NFATC1: variants seen among roughly 807,000 people sequenced by gnomAD.
NFATC1 encodes nuclear factor of activated T cells 1, also known as nuclear factor of activated T-cells, cytoplasmic 1.
A neutral mutation model predicts 76.0 loss-of-function variants in NFATC1; 22 were observed. The ratio of observed to expected loss-of-function variants is 0.29; its 90% confidence interval spans 0.21 to 0.41. The LOEUF (loss-of-function observed/expected upper bound fraction) is 0.41. NFATC1 is among the 10% of genes least tolerant of loss of function. The pLI, the probability that NFATC1 is intolerant of heterozygous loss-of-function variation, is 1.00. For missense variants in NFATC1, 1,357 were observed against 1,337.7 expected, an observed-to-expected ratio of 1.01 and a Z score of -0.23; for synonymous variants, 704 against 613.1, an observed-to-expected ratio of 1.15 and a Z score of -2.19.
chr18:79,499,949 G>T (rs2089980378), intron 9 of NFATC1, among the ~76,000 whole-genome samples: 1 of 152,100 alleles, frequency 6.6e-6, no homozygotes, highest in Admixed American at 6.5e-5. Flanking sequence ...AAACACATTT[G>T]CACATAACAG....
Position 79,486,516 on chromosome 18 carries a change from C to A in NFATC1, c.2361C>A (p.His787Gln), listed in dbSNP as rs1479331806. The A allele has an allele frequency of 1.2e-6, 2 of 1,602,232 alleles. No homozygotes were observed. Among genetic ancestry groups the A allele is most frequent in the African/African-American group, 2.7e-5 (2 of 75,024 alleles). Residue 787 changes from histidine (H) to glutamine (Q), a missense_variant, in exon 9 of 10, where the codon CAC becomes CAA. Coordinates refer to ENST00000427363, the MANE Select transcript of NFATC1 (RefSeq NM_001278669.2). ...TKGVASPGHCHLGLPQPAGEA... is the reference protein window; with the variant it reads ...TKGVASPGHCQLGLPQPAGEA... The stretch of plus-strand genomic sequence containing the variant: ...GCGTTGCCAGCCCGGGCCACTGTCA[C>A]CTCGGACTCCCGCAGCCGGCCGGAG...
At chr18:79,474,140 G>A (rs1310207045) in intron 8 of NFATC1, among the ~76,000 whole-genome samples, 15 of 120,114 alleles carry the variant, frequency 1.2e-4, no homozygotes, top group African/African-American at 2.1e-4. Flanking sequence ...CGCTGTCGAC[G>A]TTGTAAACCT....
At chr18:79,464,203 C>T (rs1352452862) in intron 7 of NFATC1, among the ~76,000 whole-genome samples, 1 of 152,174 alleles carries the variant, frequency 6.6e-6, no homozygotes, top group Non-Finnish European at 1.5e-5. Flanking sequence ...GATTCTCATG[C>T]CTCAGTCTCC....
At position 79,486,677 on chromosome 18, in the gene NFATC1, C is replaced by T. The variant is rs200591787; in HGVS notation, c.2522C>T (p.Ser841Leu). ...SSSCPPGLEH[S>L]LCPSSPSPPL... The stretch of plus-strand genomic sequence containing the variant: ...AGCTGCCCCCCTGGTCTCGAACACT[C>T]GCTCTGCCCCAGCAGCCCCTCTCCT... Residue 841 changes from serine to leucine, a missense_variant, in exon 9 of 10, where the codon TCG becomes TTG. Coordinates refer to ENST00000427363, the MANE Select transcript of NFATC1 (RefSeq NM_001278669.2). 28 of 1,602,354 alleles carry T rather than the reference C, an allele frequency of 1.7e-5. No homozygotes were observed. The highest frequency in any genetic ancestry group is 1.3e-4 in the East Asian group (6 of 44,704).
intron 2 of NFATC1, among the ~76,000 whole-genome samples, chr18:79,419,271 G>C (rs1600650271): frequency 6.6e-6 from 1 of 152,176 alleles, no homozygotes; most frequent in Non-Finnish European, 1.5e-5. Context: ...CAGTCCTCCC[G>C]ACCTGTCCTC....
rs780560159 is a variant in NFATC1 at position 79,426,269 on chromosome 18, G to A, written c.1227-7310G>A. 3.8e-4 allele frequency among the ~76,000 whole-genome samples: 57 copies of A among 150,682 alleles called. 1 individual carries two copies. Among genetic ancestry groups the A allele is most frequent in the Non-Finnish European group, 4.6e-4 (31 of 67,848 alleles). On this transcript the variant is annotated intron_variant, in intron 2 of 9. Coordinates refer to ENST00000427363, the MANE Select transcript of NFATC1 (RefSeq NM_001278669.2). Reference sequence around the variant, plus strand: ...TTTTTTCCTCCCCCTCTGTCCCAGCGCAGACGGCATCTCTGTCGCGAGCTT... The same window carrying A: ...TTTTTTCCTCCCCCTCTGTCCCAGCACAGACGGCATCTCTGTCGCGAGCTT...
At chr18:79,482,169 G>T (rs1458451750) in intron 8 of NFATC1, among the ~76,000 whole-genome samples, 6 of 131,948 alleles carry the variant, frequency 4.5e-5, no homozygotes, top group South Asian at 2.4e-4. Context: ...GCGTGACCTG[G>T]TCCTGGGGTG....
chr18:79,478,762 C>G (rs1238420717), intron 8 of NFATC1, among the ~76,000 whole-genome samples: 1 of 152,216 alleles, frequency 6.6e-6, no homozygotes, highest in African/African-American at 2.4e-5. Flanking sequence ...GGCGGAAGCC[C>G]CCCTCCAGGA....
intron 6 of NFATC1, among the ~76,000 whole-genome samples, chr18:79,457,781 C>T (rs1341991015): frequency 6.6e-6 from 1 of 152,012 alleles, no homozygotes; most frequent in Non-Finnish European, 1.5e-5. Flanking sequence ...GGTCTGGCTG[C>T]TCCCTGCTGG....
At chr18:79,398,317 A>T (rs1486909315) in intron 1 of NFATC1, among the ~76,000 whole-genome samples, 1 of 152,192 alleles carries the variant, frequency 6.6e-6, no homozygotes, top group South Asian at 2.1e-4. Flanking sequence ...TTAACTTCAC[A>T]GCGTTGTTTC....
intron 8 of NFATC1, 68 bp from the exon 9 acceptor site, chr18:79,486,180 C>G: frequency 6.8e-7 from 1 of 1,465,128 alleles, no homozygotes; most frequent in Non-Finnish European, 9.3e-7. Context: ...GGTGCCCCAG[C>G]CACAAGCCTG....
intron 1 of NFATC1, among the ~76,000 whole-genome samples, chr18:79,399,858 G>A (rs893387012): frequency 2.6e-5 from 4 of 152,174 alleles, no homozygotes; most frequent in South Asian, 2.1e-4. Context: ...TAGCGTTGGC[G>A]GCCTCGGGCT....
In NFATC1 at chr18:79,469,566, C is replaced by T. The variant is rs895912484; in HGVS notation, c.2092+1984C>T. 7.6e-5 allele frequency: 75 copies of T among 985,986 alleles called. No homozygotes were observed. In the African/African-American group the frequency reaches 8.7e-4, roughly 11 times the overall value. The allele number at this position is 985,986 out of a possible 1,614,324, so 61.1% of individuals were successfully genotyped here. A position where few individuals can be genotyped will look rare whatever the true frequency, so the allele number is the denominator to read the frequency against. ...GCCACACTCCTGCCTCGATTGGCCC[C>T]GGCTCCCCTCTCAGCATTGTGCCCA... On this transcript the variant is annotated intron_variant, in intron 8 of 9. Coordinates refer to ENST00000427363, the MANE Select transcript of NFATC1 (RefSeq NM_001278669.2).
At chr18:79,434,788 G>A (rs577219777) in intron 3 of NFATC1, among the ~76,000 whole-genome samples, 3 of 152,372 alleles carry the variant, frequency 2.0e-5, no homozygotes, top group East Asian at 3.9e-4. Flanking sequence ...GTTTGCCAAC[G>A]CAGCAGCCGG....
At chr18:79,437,535 G>C (rs578053929) in intron 3 of NFATC1, among the ~76,000 whole-genome samples, 3 of 152,218 alleles carry the variant, frequency 2.0e-5, no homozygotes, top group Admixed American at 1.3e-4. Flanking sequence ...CTGAGGGGGC[G>C]TCCGCCTGCT....
At chr18:79,438,807 A>C (rs867082997) in intron 3 of NFATC1, among the ~76,000 whole-genome samples, 25 of 152,268 alleles carry the variant, frequency 1.6e-4, no homozygotes, top group Middle Eastern at 3.4e-3. Context: ...CTCAGGACGC[A>C]GGGTGGGGCG....
rs1374520620 is a variant in NFATC1, at chr18:79,465,207, C to T, written c.1960-2243C>T. Among the ~76,000 whole-genome samples, 2 of 152,128 alleles carry T rather than the reference C, an allele frequency of 1.3e-5. No individual in the cohort carries two copies. Among genetic ancestry groups the T allele is most frequent in the African/African-American group, 4.8e-5 (2 of 41,412 alleles). ...TTCCGTGTTTCTTCTTTATCGCTTC[C>T]TTCTGTGTGTATTTAAGTGGCAGTG... is the stretch of plus-strand genomic sequence containing the variant. On this transcript the variant is annotated intron_variant, in intron 7 of 9. Transcript: ENST00000427363. This position sits in a 1 kb window ranked among gnomAD's most constrained non-coding sequence, Gnocchi z 4.2.
chr18:79,442,305 C>T (rs1296035692), intron 3 of NFATC1, among the ~76,000 whole-genome samples: 1 of 152,258 alleles, frequency 6.6e-6, no homozygotes, highest in Non-Finnish European at 1.5e-5. Context: ...CTCCCCACCT[C>T]TGTCCACCCT....
At chr18:79,438,822 C>T (rs1025616093) in intron 3 of NFATC1, among the ~76,000 whole-genome samples, 4 of 152,146 alleles carry the variant, frequency 2.6e-5, no homozygotes, top group Non-Finnish European at 5.9e-5. Context: ...GGGGCGGGCC[C>T]GCTGGTGCCC....
Sources: gnomAD v4.1 joint callset for allele counts (sites outside exome capture counted in the v4.1 genomes callset) on GRCh38, gnomAD v4.1.1 for gene constraint, Gnocchi (gnomAD v3.1) non-coding constraint, MANE v1.5 for transcripts, NCBI Gene and HGNC (gene_info 2026-07-23, HGNC 2026-07-21) for gene names.